The following PTGIS variants were observed in gnomAD, a reference collection of about 807,000 sequenced individuals.
PTGIS encodes prostaglandin I2 synthase.
A neutral mutation model predicts 50.3 loss-of-function variants in PTGIS; 45 were observed. The ratio of observed to expected loss-of-function variants is 0.90; its 90% confidence interval spans 0.70 to 1.15. The LOEUF (loss-of-function observed/expected upper bound fraction) is 1.15. Ranked by LOEUF, PTGIS falls within the 50% of genes most tolerant of loss-of-function variation. The probability of loss-of-function intolerance (pLI) is 0.00; values close to 1 mark genes in which losing one functional copy is unlikely to be tolerated. For synonymous variants in PTGIS, 260 were observed against 267.7 expected (o/e 0.97, Z 0.28); for missense variants, 668 against 661.3 (o/e 1.01, Z -0.11).
chr20:49,546,569 G>A (rs957687547), intron 3 of PTGIS, among the ~76,000 whole-genome samples: 3 of 152,188 alleles, frequency 2.0e-5, no homozygotes, highest in South Asian at 2.1e-4. Flanking sequence ...CTGCAGGGGC[G>A]GACACAGGGT....
rs140049924 is a variant in PTGIS, at chr20:49,547,724, CA to C, written c.377+116del. 9,468 of 1,223,500 alleles carry C rather than the reference CA, an allele frequency of 7.7e-3. 316 individuals carry two copies. In the African/African-American group the frequency reaches 0.092, roughly 12 times the overall value. 75.8% of individuals were successfully genotyped at this position (1,223,500 alleles called of 1,614,324 possible). A position where few individuals can be genotyped will look rare whatever the true frequency, so the allele number is the denominator to read the frequency against. ...TTTGTTTTGTTTCTGTTTGTGTTCT[CA>C]AGACAAAATGTCTTTACCGAACATT... is the stretch of plus-strand genomic sequence containing the variant. On this transcript the variant is annotated intron_variant, in intron 3 of 9. Coordinates refer to ENST00000244043, the MANE Select transcript of PTGIS (RefSeq NM_000961.4).
At chr20:49,551,008 G>T (rs754410568) in intron 1 of PTGIS, among the ~76,000 whole-genome samples, 8 of 152,094 alleles carry the variant, frequency 5.3e-5, no homozygotes, top group Non-Finnish European at 1.0e-4. Context: ...GTTGAAGACC[G>T]GCCCGGCCAT....
chr20:49,558,090 T>C (rs1982663187), intron 1 of PTGIS, among the ~76,000 whole-genome samples: 1 of 152,076 alleles, frequency 6.6e-6, no homozygotes, highest in African/African-American at 2.4e-5. Context: ...AACAAAAATT[T>C]TAAAAAAGGA....
At position 49,562,538 on chromosome 20, in the gene PTGIS, T is replaced by C. The variant is rs538046361; in HGVS notation, c.74+5505A>G. Among the ~76,000 whole-genome samples, 21 of 152,350 alleles carry C rather than the reference T, an allele frequency of 1.4e-4. 1 individual carries two copies. The East Asian group carries it at 4.1e-3, about 29-fold the overall frequency. ...AGCGGGGGCGAAGGAGGCTCTGTTT[T>C]GGGGACTGTGGGCTCTAGCCCCACC... On this transcript the variant is annotated intron_variant, in intron 1 of 9. Transcript: ENST00000244043.
At chr20:49,557,611 C>T (rs1229929022) in intron 1 of PTGIS, among the ~76,000 whole-genome samples, 1 of 151,082 alleles carries the variant, frequency 6.6e-6, no homozygotes, top group Non-Finnish European at 1.5e-5. Context: ...AAAAGAAAAC[C>T]GGGGAGAAAG....
At chr20:49,541,787 C>T (rs932680079) in intron 4 of PTGIS, among the ~76,000 whole-genome samples, 1 of 151,718 alleles carries the variant, frequency 6.6e-6, no homozygotes, top group African/African-American at 2.4e-5. Flanking sequence ...AAAAGTAAAC[C>T]CAGAGGACCA....
intron 5 of PTGIS, among the ~76,000 whole-genome samples, chr20:49,539,248 A>G (rs1175684330): frequency 6.6e-6 from 1 of 152,112 alleles, no homozygotes; most frequent in Non-Finnish European, 1.5e-5. Context: ...ATTTTTTATA[A>G]TCAGCACGAA....
chr20:49,539,937 G>T (rs1004824073), intron 4 of PTGIS, among the ~76,000 whole-genome samples: 6 of 152,192 alleles, frequency 3.9e-5, no homozygotes, highest in Admixed American at 3.9e-4. Context: ...GACAACAGAC[G>T]AGAGGATGAG....
intron 9 of PTGIS, among the ~76,000 whole-genome samples, chr20:49,508,554 G>A (rs913624167): frequency 5.3e-5 from 8 of 151,832 alleles, no homozygotes; most frequent in Admixed American, 3.9e-4. Context: ...TGATTAATAC[G>A]GCGACTCCTC....
Position 49,513,173 on chromosome 20 carries a change from G to A in PTGIS, c.1113C>T (p.Asp371=), listed in dbSNP as rs561620152. ...CACGTCGCAGGTTGAATTCTCGCCC[G>A]TCTGCCATGGGCATGGCCAGGTCCA... ...VVVDLAMPMA[D]GREFNLRRGD... The change falls in exon 8 of 10, where the codon GAC becomes GAT. Residue 371 remains aspartate, a synonymous_variant. Coordinates refer to ENST00000244043, the MANE Select transcript of PTGIS (RefSeq NM_000961.4). 32 of 1,614,120 alleles carry A rather than the reference G, an allele frequency of 2.0e-5. No individual in the cohort carries two copies. Among genetic ancestry groups the A allele is most frequent in the Admixed American group, 1.0e-4 (6 of 60,022 alleles).
intron 4 of PTGIS, among the ~76,000 whole-genome samples, chr20:49,543,037 A>G (rs1982270321): frequency 6.6e-6 from 1 of 152,114 alleles, no homozygotes; most frequent in Non-Finnish European, 1.5e-5. Flanking sequence ...TCCTAGAACT[A>G]TGTTGCTCTA....
chr20:49,548,651 A>G lies in PTGIS; in HGVS notation c.199-632T>C, dbSNP rs533598703. ...GGATGGATGCTGTTGGGTAAATTCC[A>G]GTGGGTGGATTGTAGAAGAGTAAAT... On this transcript the variant is annotated intron_variant, in intron 2 of 9. Coordinates refer to ENST00000244043, the MANE Select transcript of PTGIS (RefSeq NM_000961.4). 3.3e-5 allele frequency among the ~76,000 whole-genome samples: 5 copies of G among 151,430 alleles called. No homozygotes were observed. In the South Asian group the frequency reaches 6.4e-4, roughly 19 times the overall value.
chr20:49,547,809 C>A, intron 3 of PTGIS, 32 bp downstream of exon 3: 1 of 1,612,576 alleles, frequency 6.2e-7, no homozygotes. Flanking sequence ...CCCACCCTGG[C>A]CCTCCCACAG....
Position 49,507,943 on chromosome 20 carries a change from C to T in PTGIS, c.1480G>A (p.Val494Ile), listed in dbSNP as rs142254215. The change falls in exon 10 of 10, where the codon GTC becomes ATC. Residue 494 changes from valine (V) to isoleucine (I), a missense_variant. By Grantham distance (29) the Val-to-Ile change is conservative. Transcript: ENST00000244043. ...GLMQPEHDVP[V>I]RYRIRP is the part of the protein sequence containing the mutation. ...TGTCATGGGCGGATGCGGTAGCGGA[C>T]GGGCACGTCGTGTTCCGGCTGCATC... 53 of 1,612,958 alleles carry T rather than the reference C, an allele frequency of 3.3e-5. No individual in the cohort carries two copies. The highest frequency in any genetic ancestry group is 3.3e-4 in the Middle Eastern group (2 of 6,062).
chr20:49,516,455 T>C lies in PTGIS; in HGVS notation c.856-2060A>G, dbSNP rs1981480489. On this transcript the variant is annotated intron_variant, in intron 6 of 9. Coordinates refer to ENST00000244043, the MANE Select transcript of PTGIS (RefSeq NM_000961.4). The stretch of plus-strand genomic sequence containing the variant: ...ATGCCCGGCTAATCTTTCTATTTTT[T>C]GTAAAGATGAGGTCTCACTATGTTT... Among the ~76,000 whole-genome samples the C allele has an allele frequency of 3.3e-5, 5 of 151,992 alleles. No homozygotes were observed. In the South Asian group the frequency reaches 1.0e-3, roughly 32 times the overall value.
intron 6 of PTGIS, among the ~76,000 whole-genome samples, chr20:49,516,042 G>GGT (rs1222341951): frequency 2.3e-5 from 3 of 131,692 alleles, no homozygotes; most frequent in Non-Finnish European, 4.8e-5. Flanking sequence ...TACCCAGCTA[G>GGT]GTTTTTTTTT....
At chr20:49,521,436 C>G (rs1981649148) in intron 6 of PTGIS, among the ~76,000 whole-genome samples, 1 of 152,196 alleles carries the variant, frequency 6.6e-6, no homozygotes, top group African/African-American at 2.4e-5. Context: ...GACATCTTGT[C>G]CCCAGCTCCT....
chr20:49,535,544 T>G (rs944270038), intron 5 of PTGIS, among the ~76,000 whole-genome samples: 3 of 152,236 alleles, frequency 2.0e-5, no homozygotes, highest in African/African-American at 7.2e-5. Flanking sequence ...GATGGAGTCT[T>G]GCTCTGTCAC....
intron 6 of PTGIS, among the ~76,000 whole-genome samples, chr20:49,522,640 T>C (rs111344796): frequency 3.3e-4 from 51 of 152,260 alleles, no homozygotes; most frequent in African/African-American, 1.2e-3. Flanking sequence ...TCAATGGAAC[T>C]TCTAAACAAT....
Sources: gnomAD v4.1 joint callset for allele counts (sites outside exome capture counted in the v4.1 genomes callset) on GRCh38, gnomAD v4.1.1 for gene constraint, MANE v1.5 for transcripts, NCBI Gene and HGNC (gene_info 2026-07-23, HGNC 2026-07-21) for gene names.